Variants in FOXP1 observed in about 807,000 individuals in gnomAD.
FOXP1 encodes forkhead box P1.
Under a neutral mutation model 98.2 loss-of-function variants are expected in FOXP1, and 15 were observed. The observed-to-expected ratio is 0.15, with a 90% CI of 0.10 to 0.24. The LOEUF is 0.24. FOXP1 is among the 10% of genes least tolerant of loss of function. FOXP1 has a pLI of 1.00. For synonymous variants in FOXP1, 371 were observed against 314.5 expected, an observed-to-expected ratio of 1.18 and a Z score of -1.90; for missense variants, 633 against 848.5, an observed-to-expected ratio of 0.75 and a Z score of 3.15.
intron 4 of FOXP1, among the ~76,000 whole-genome samples, chr3:71,353,300 G>A (rs1168315130): frequency 1.3e-5 from 2 of 152,192 alleles, no homozygotes; most frequent in Non-Finnish European, 2.9e-5. Context: ...AGGCCCTCAA[G>A]CATCCCGCGT....
chr3:71,529,430 A>C (rs555315654), intron 2 of FOXP1, among the ~76,000 whole-genome samples: 10 of 152,200 alleles, frequency 6.6e-5, no homozygotes, highest in Non-Finnish European at 1.5e-4. Flanking sequence ...GTCCTTAAAA[A>C]CTTTGGAAAC....
intron 5 of FOXP1, among the ~76,000 whole-genome samples, chr3:71,230,275 C>A (rs1283866363): frequency 6.6e-6 from 1 of 152,222 alleles, no homozygotes; most frequent in Non-Finnish European, 1.5e-5. Context: ...AACTGCTGTT[C>A]TTTGAACCAA....
chr3:71,105,289 T>A (rs1025283563), intron 7 of FOXP1, among the ~76,000 whole-genome samples: 1 of 152,232 alleles, frequency 6.6e-6, no homozygotes, highest in African/African-American at 2.4e-5. Context: ...ATTACCTTTT[T>A]TTTCACTCTT....
chr3:71,460,808 A>G (rs904022677), intron 3 of FOXP1, among the ~76,000 whole-genome samples: 1 of 152,216 alleles, frequency 6.6e-6, no homozygotes, highest in Non-Finnish European at 1.5e-5. Context: ...AGCTGAGAGA[A>G]TTCATCATTC....
At chr3:71,464,689 G>A (rs2088512574) in intron 3 of FOXP1, among the ~76,000 whole-genome samples, 1 of 152,154 alleles carries the variant, frequency 6.6e-6, no homozygotes, top group Non-Finnish European at 1.5e-5. Flanking sequence ...CCCAAGGTGA[G>A]GGGATGACTG....
At chr3:71,059,894 G>A (rs1056091670) in intron 7 of FOXP1, among the ~76,000 whole-genome samples, 3 of 152,044 alleles carry the variant, frequency 2.0e-5, no homozygotes, top group African/African-American at 7.2e-5. Context: ...TAATGAAAGA[G>A]ACAGCAACTG....
chr3:71,448,414 A>ATAAT (rs1475849817), intron 3 of FOXP1, among the ~76,000 whole-genome samples: 1 of 152,218 alleles, frequency 6.6e-6, no homozygotes, highest in Non-Finnish European at 1.5e-5. Flanking sequence ...CCTCTCCCAA[A>ATAAT]AGACAAACTG....
At chr3:71,499,711 T>C (rs890619622) in intron 2 of FOXP1, among the ~76,000 whole-genome samples, 2 of 152,200 alleles carry the variant, frequency 1.3e-5, no homozygotes, top group Non-Finnish European at 2.9e-5. Context: ...CAAACTTAGT[T>C]TCCTTTGTTG....
chr3:71,490,385 C>G (rs2090975836), intron 3 of FOXP1, among the ~76,000 whole-genome samples: 1 of 152,004 alleles, frequency 6.6e-6, no homozygotes, highest in Non-Finnish European at 1.5e-5. Context: ...GCAATCCCAG[C>G]TAATTGGGAG....
intron 2 of FOXP1, among the ~76,000 whole-genome samples, chr3:71,532,536 T>C (rs1330269484): frequency 6.6e-6 from 1 of 152,214 alleles, no homozygotes; most frequent in Non-Finnish European, 1.5e-5. Flanking sequence ...GTGGAATGAT[T>C]TTTTAAAAAA....
chr3:71,329,670 G>A (rs1412224689), intron 4 of FOXP1: 2 of 151,984 alleles, frequency 1.3e-5, no homozygotes, highest in Non-Finnish European at 2.9e-5. Context: ...TGGGTGAGAT[G>A]AGAAGAACAA....
At position 71,451,178 on chromosome 3, in the gene FOXP1, G is replaced by T. The variant is rs141590408; in HGVS notation, c.-168+42248C>A. Among the ~76,000 whole-genome samples the T allele has an allele frequency of 5.0e-3, 763 of 152,238 alleles. 5 individuals are homozygous for T. The highest frequency in any genetic ancestry group is 7.5e-3 in the Non-Finnish European group (510 of 68,010). ...TGCAGCTGCCTACTACTGTGGTTGG[G>T]CTGTGTTACGCATGGACACAAGTAT... is the stretch of plus-strand genomic sequence containing the variant. On this transcript the variant is annotated intron_variant, in intron 3 of 20. Coordinates refer to ENST00000649528, the MANE Select transcript of FOXP1 (RefSeq NM_001349338.3).
intron 5 of FOXP1, among the ~76,000 whole-genome samples, chr3:71,248,689 C>T (rs762629285): frequency 2.7e-4 from 41 of 150,530 alleles, no homozygotes; most frequent in Non-Finnish European, 4.1e-4. Context: ...TGCAGTGAGC[C>T]GAGATTGCAC....
chr3:71,348,940 C>G (rs964057325), intron 4 of FOXP1, among the ~76,000 whole-genome samples: 1 of 152,118 alleles, frequency 6.6e-6, no homozygotes, highest in Non-Finnish European at 1.5e-5. Context: ...CTACAGAGGC[C>G]GCAGTCTATT....
At chr3:71,545,479 T>A (rs2045285425) in intron 2 of FOXP1, among the ~76,000 whole-genome samples, 1 of 152,244 alleles carries the variant, frequency 6.6e-6, no homozygotes, top group South Asian at 2.1e-4. Context: ...CTTTGCAAAT[T>A]ACACTTAGGG....
intron 5 of FOXP1, among the ~76,000 whole-genome samples, chr3:71,216,155 C>A (rs553016931): frequency 2.0e-5 from 3 of 152,298 alleles, no homozygotes; most frequent in Admixed American, 1.3e-4. Flanking sequence ...GGAGCAGAGG[C>A]GCCTTGAGTC....
chr3:71,433,927 G>A (rs1251382477), intron 3 of FOXP1, among the ~76,000 whole-genome samples: 1 of 152,338 alleles, frequency 6.6e-6, no homozygotes, highest in East Asian at 1.9e-4. Flanking sequence ...GGAAACCCAA[G>A]CCCACGTTAC....
At chr3:71,206,588 T>C (rs2064051274) in intron 5 of FOXP1, among the ~76,000 whole-genome samples, 1 of 140,128 alleles carries the variant, frequency 7.1e-6, no homozygotes, top group South Asian at 2.3e-4. Context: ...AGGCTTTCAA[T>C]GTGAAGACAG....
intron 5 of FOXP1, among the ~76,000 whole-genome samples, chr3:71,228,963 GGTT>G (rs2066061107): frequency 1.0e-5 from 1 of 97,196 alleles, no homozygotes; most frequent in African/African-American, 4.3e-5. Context: ...TTTTACTGTT[GGTT>G]GTTTTTTTTT....
Sources: allele counts gnomAD v4.1 joint callset (sites outside exome capture counted in the v4.1 genomes callset), GRCh38; gene constraint gnomAD v4.1.1; transcripts MANE v1.5; gene names NCBI Gene and HGNC (gene_info 2026-07-23, HGNC 2026-07-21).